The following PRKACB variants were observed in gnomAD, a reference collection of about 807,000 sequenced individuals.
PRKACB encodes cAMP-dependent protein kinase catalytic subunit beta.
In PRKACB, 16 loss-of-function variants were observed where a neutral mutation model predicts 51.4. That is an observed-to-expected ratio of 0.31 (90% CI 0.21 to 0.47). The LOEUF (loss-of-function observed/expected upper bound fraction) is 0.47. Ranked by LOEUF, PRKACB falls within the 20% of genes least tolerant of loss-of-function variation. PRKACB has a pLI of 1.00. For missense variants in PRKACB, 309 were observed against 464.5 expected (o/e 0.67, Z 3.08); for synonymous variants, 147 against 154.4 (o/e 0.95, Z 0.35).
chr1:84,165,369 T>C (rs1349833485), intron 1 of PRKACB, among the ~76,000 whole-genome samples: 1 of 151,904 alleles, frequency 6.6e-6, no homozygotes, highest in African/African-American at 2.4e-5. Context: ...AGTTTAACTT[T>C]CCTTTGATTA....
At chr1:84,212,200 A>G (rs755949069) in intron 8 of PRKACB, among the ~76,000 whole-genome samples, 10 of 152,144 alleles carry the variant, frequency 6.6e-5, no homozygotes, top group Non-Finnish European at 1.5e-4. Context: ...TTTTATGTAC[A>G]TATGAATCCC....
chr1:84,236,835 C>T lies in PRKACB; in HGVS notation c.*1530C>T, dbSNP rs1347574226. ...TGCGTTTCAGTGACCTACCTTAAAACAACACACGAGAAGAGTTAAACTGGG... is the reference window on the plus strand; with the variant it reads ...TGCGTTTCAGTGACCTACCTTAAAATAACACACGAGAAGAGTTAAACTGGG... On this transcript the variant is annotated 3_prime_UTR_variant, in exon 10 of 10. Coordinates refer to ENST00000370685, the MANE Select transcript of PRKACB (RefSeq NM_182948.4). The T allele has an allele frequency of 2.0e-5, 3 of 152,588 alleles. No individual in the cohort carries two copies. The highest frequency in any genetic ancestry group is 7.2e-5 in the African/African-American group (3 of 41,450). The allele number at this position is 152,588 out of a possible 1,614,324, so 9.5% of individuals were successfully genotyped here.
intron 1 of PRKACB, among the ~76,000 whole-genome samples, chr1:84,159,607 C>T (rs1249915550): frequency 2.6e-5 from 4 of 152,030 alleles, no homozygotes; most frequent in Non-Finnish European, 5.9e-5. Context: ...TGCCTCATTG[C>T]ACTGGCTAGA....
chr1:84,165,933 T>A (rs1414881313), intron 1 of PRKACB, among the ~76,000 whole-genome samples: 1 of 151,718 alleles, frequency 6.6e-6, no homozygotes, highest in East Asian at 1.9e-4. Flanking sequence ...ATTTATAAGA[T>A]TTGGAATTGG....
At position 84,196,659 on chromosome 1, in the gene PRKACB, T is replaced by C. The variant is rs1668317261; in HGVS notation, c.604T>C (p.Phe202Leu). Residue 202 changes from phenylalanine to leucine, a missense_variant, in exon 6 of 10, where the codon TTC becomes CTC. Phe to Leu is a conservative substitution (Grantham distance 22). Transcript: ENST00000370685. ...RFYAAQIVLT[F>L]EYLHSLDLIY... is the part of the protein sequence containing the mutation. ...CTATGCAGCTCAGATAGTGCTAACA[T>C]TCGAGTACCTCCATTCACTAGACCT... 1 of 1,613,660 alleles carries C rather than the reference T, an allele frequency of 6.2e-7. No individual in the cohort carries two copies. Among genetic ancestry groups the C allele is most frequent in the Non-Finnish European group, 8.5e-7 (1 of 1,179,668 alleles).
chr1:84,116,459 A>G (rs1355964329), intron 1 of PRKACB, among the ~76,000 whole-genome samples: 2 of 152,092 alleles, frequency 1.3e-5, no homozygotes, highest in African/African-American at 4.8e-5. Context: ...AACAGTACTA[A>G]TTCTAATTCA....
chr1:84,173,657 A>G (rs886098850), intron 1 of PRKACB, among the ~76,000 whole-genome samples: 1 of 151,844 alleles, frequency 6.6e-6, no homozygotes, highest in Non-Finnish European at 1.5e-5. Context: ...TGGTATTTTC[A>G]TAGGTAACTT....
Position 84,155,432 on chromosome 1 carries a change from C to G in PRKACB, c.187+10884C>G, listed in dbSNP as rs187926851. Among the ~76,000 whole-genome samples, 633 of 152,276 alleles carry G rather than the reference C, an allele frequency of 4.2e-3. 2 individuals carry two copies. The highest frequency in any genetic ancestry group is 0.024 in the Middle Eastern group (7 of 294). ...CTGAAGAATAAATGTTGTTAAAATG[C>G]TTCTAGTATCCAAAGCGATCTACAG... On this transcript the variant is annotated intron_variant, in intron 1 of 9. Transcript: ENST00000370685.
chr1:84,175,018 T>C (rs1291678221), intron 1 of PRKACB: 2 of 1,469,138 alleles, frequency 1.4e-6, no homozygotes, highest in African/African-American at 2.9e-5. Flanking sequence ...TTCTAATTTA[T>C]TTTTTGGACA....
intron 5 of PRKACB, among the ~76,000 whole-genome samples, chr1:84,192,542 G>A (rs1007661084): frequency 6.6e-6 from 1 of 151,920 alleles, no homozygotes; most frequent in Admixed American, 6.6e-5. Flanking sequence ...AGGATTTTTG[G>A]GAAAAAAGAG....
intron 1 of PRKACB, among the ~76,000 whole-genome samples, chr1:84,090,188 A>G (rs535163801): frequency 1.5e-4 from 23 of 152,230 alleles, no homozygotes; most frequent in East Asian, 1.4e-3. Flanking sequence ...CTCTCTCTTT[A>G]TACCTCTGAC....
Position 84,179,228 on chromosome 1 carries a change from A to C in PRKACB, c.239A>C (p.Asn80Thr), listed in dbSNP as rs1025518925. ...AKEDFLKKWENPTQNNAGLED... is the reference protein window; with the variant it reads ...AKEDFLKKWETPTQNNAGLED... ...GAAGACTTTTTGAAAAAATGGGAGA[A>C]TCCAACTCAGGTAAGGAATATTTAG... is the stretch of plus-strand genomic sequence containing the variant. Residue 80 changes from asparagine to threonine, a missense_variant, in exon 2 of 10, where the codon AAT (asparagine) becomes ACT (threonine). Coordinates refer to ENST00000370685, the MANE Select transcript of PRKACB (RefSeq NM_182948.4). 1 of 1,581,840 alleles carries C rather than the reference A, an allele frequency of 6.3e-7. No homozygotes were observed. Among genetic ancestry groups the C allele is most frequent in the Non-Finnish European group, 8.6e-7 (1 of 1,163,598 alleles).
At chr1:84,133,690 C>T (rs369498469) in intron 1 of PRKACB, among the ~76,000 whole-genome samples, 165 of 152,330 alleles carry the variant, frequency 1.1e-3, no homozygotes, top group African/African-American at 3.9e-3. Context: ...GGGAGCACAG[C>T]TGAGCCAGTG....
At chr1:84,214,070 T>G in intron 8 of PRKACB, 83 bp from the exon 9 acceptor site, 1 of 1,389,186 alleles carries the variant, frequency 7.2e-7, no homozygotes, top group Non-Finnish European at 9.5e-7. Context: ...GCTTGTTGCC[T>G]TGAAAAAAAA....
chr1:84,228,757 A>G (rs1007403829), intron 9 of PRKACB, among the ~76,000 whole-genome samples: 8 of 152,300 alleles, frequency 5.3e-5, no homozygotes, highest in African/African-American at 1.2e-4. Context: ...AAAAAAGGAA[A>G]GCAATTAAAA....
intron 1 of PRKACB, among the ~76,000 whole-genome samples, chr1:84,163,633 GT>G (rs1184037126): frequency 6.6e-6 from 1 of 151,990 alleles, no homozygotes; most frequent in Non-Finnish European, 1.5e-5. Context: ...GACTCCCACT[GT>G]TTTTAGGCAG....
chr1:84,135,994 A>T (rs1652766055), intron 1 of PRKACB, among the ~76,000 whole-genome samples: 1 of 152,096 alleles, frequency 6.6e-6, no homozygotes, highest in Non-Finnish European at 1.5e-5. Flanking sequence ...AAATTGATAA[A>T]ATTCTAGCCA....
intron 1 of PRKACB, among the ~76,000 whole-genome samples, chr1:84,156,155 A>T (rs1298177579): frequency 6.6e-6 from 1 of 151,714 alleles, no homozygotes; most frequent in Non-Finnish European, 1.5e-5. Flanking sequence ...TGCCAGGCTA[A>T]TTTTTTTTAA....
At chr1:84,125,177 A>G (rs1651460767) in intron 1 of PRKACB, among the ~76,000 whole-genome samples, 1 of 152,192 alleles carries the variant, frequency 6.6e-6, no homozygotes, top group African/African-American at 2.4e-5. Flanking sequence ...GGCAGAATCC[A>G]GTACCTTATG....
Sources: gnomAD v4.1 joint callset for allele counts (sites outside exome capture counted in the v4.1 genomes callset) on GRCh38, gnomAD v4.1.1 for gene constraint, MANE v1.5 for transcripts, NCBI Gene and HGNC (gene_info 2026-07-23, HGNC 2026-07-21) for gene names.